LMO7: variants seen among roughly 807,000 people sequenced by gnomAD.
The protein encoded by LMO7 is LIM domain only protein 7.
LMO7 carries 120 observed loss-of-function variants against 206.5 expected under a neutral mutation model. The observed-to-expected ratio is 0.58, with a 90% CI of 0.50 to 0.68. The LOEUF is 0.68. Among genes scored for constraint, LMO7 ranks in the 30% least tolerant of loss-of-function variants. The pLI is 0.00. For synonymous variants in LMO7, 706 were observed against 681.5 expected, an observed-to-expected ratio of 1.04 and a Z score of -0.56; for missense variants, 1,959 against 1,957.9, an observed-to-expected ratio of 1.00 and a Z score of -0.01.
intron 11 of LMO7, among the ~76,000 whole-genome samples, chr13:75,810,434 T>G (rs1229119800): frequency 6.6e-6 from 1 of 152,202 alleles, no homozygotes; most frequent in Non-Finnish European, 1.5e-5. Flanking sequence ...AAGGTGTAAC[T>G]GAGCCACAGG....
intron 20 of LMO7, chr13:75,838,420 T>G (rs1225136189): frequency 3.1e-5 from 15 of 491,350 alleles, no homozygotes; most frequent in Admixed American, 7.8e-5. Context: ...TTTGTATACC[T>G]CTAAACATTT....
At chr13:75,661,284 T>A (rs764880422) in intron 1 of LMO7, among the ~76,000 whole-genome samples, 1 of 152,226 alleles carries the variant, frequency 6.6e-6, no homozygotes, top group Non-Finnish European at 1.5e-5. Flanking sequence ...ATGTATTAAA[T>A]GAAATATTGT....
chr13:75,796,175 G>C (rs2053983857), intron 5 of LMO7, among the ~76,000 whole-genome samples: 1 of 152,126 alleles, frequency 6.6e-6, no homozygotes, highest in African/African-American at 2.4e-5. Flanking sequence ...CATCAATGTA[G>C]ACTCATATGT....
intron 14 of LMO7, among the ~76,000 whole-genome samples, chr13:75,822,199 A>C (rs1306284282): frequency 2.0e-5 from 3 of 152,194 alleles, no homozygotes; most frequent in African/African-American, 2.4e-5. Context: ...AATCTGAATT[A>C]TGTGAAAGGA....
intron 16 of LMO7, among the ~76,000 whole-genome samples, chr13:75,833,722 T>A (rs145281279): frequency 2.0e-5 from 3 of 151,618 alleles, no homozygotes; most frequent in African/African-American, 7.3e-5. Flanking sequence ...TATTTTTTAG[T>A]TTTTTTTACA....
chr13:75,625,040 G>A (rs79193996), intron 2 of LMO7, among the ~76,000 whole-genome samples: 2 of 152,310 alleles, frequency 1.3e-5, no homozygotes, highest in East Asian at 3.9e-4. Context: ...CCAGTAGGAA[G>A]TAATCATGGC....
intron 1 of LMO7, among the ~76,000 whole-genome samples, chr13:75,672,170 G>T (rs867690860): frequency 6.6e-6 from 1 of 151,664 alleles, no homozygotes. Context: ...GTGTCCCTTG[G>T]TTTTGTTACT....
At chr13:75,809,092 G>A (rs375052585) in intron 10 of LMO7, 62 bp from the exon 11 acceptor site, 37 of 1,275,616 alleles carry the variant, frequency 2.9e-5, no homozygotes, top group Middle Eastern at 3.7e-4. Flanking sequence ...GACATTGAAC[G>A]TTTAGAAACT....
rs980821342 is a variant in LMO7 at position 75,859,347 on chromosome 13, A to G, written c.*1404A>G. ...CAAAGCATAAAGAATATAATTCTGA[A>G]TCCCAAATTCCAAAGACAAGAACTC... is the stretch of plus-strand genomic sequence containing the variant. On this transcript the variant is annotated 3_prime_UTR_variant, in exon 31 of 31. Transcript: ENST00000377534. 5 of 152,222 alleles carry G rather than the reference A, an allele frequency of 3.3e-5. No homozygotes were observed. Among genetic ancestry groups the G allele is most frequent in the African/African-American group, 1.2e-4 (5 of 41,456 alleles). The allele number at this position is 152,222 out of a possible 1,614,324, so 9.4% of individuals were successfully genotyped here.
In LMO7 at chr13:75,713,192, A is replaced by G; in HGVS notation, c.80A>G (p.Glu27Gly). 1 of 1,612,676 alleles carries G rather than the reference A, an allele frequency of 6.2e-7. No individual in the cohort carries two copies. The highest frequency in any genetic ancestry group is 8.5e-7 in the Non-Finnish European group (1 of 1,179,036). ...EAQRWVEAVT[E>G]KNFETKDFRA... The stretch of plus-strand genomic sequence containing the variant: ...AAACCTATCTTTCAGGCAGTAACAG[A>G]GAAGAATTTTGAAACAAAAGATTTT... Residue 27 changes from glutamate (E) to glycine (G), a missense_variant, in exon 2 of 31, where the codon GAG (glutamate) becomes GGG (glycine). Glu to Gly is a moderately conservative substitution (Grantham distance 98). Coordinates refer to ENST00000377534, the MANE Select transcript of LMO7 (RefSeq NM_001306080.2).
intron 3 of LMO7, among the ~76,000 whole-genome samples, chr13:75,748,884 C>T (rs561067363): frequency 4.6e-5 from 7 of 150,626 alleles, no homozygotes; most frequent in African/African-American, 1.5e-4. Context: ...GATCTTGGCT[C>T]ATTGCAACCT....
At chr13:75,772,948 T>C (rs1392511028) in intron 4 of LMO7, among the ~76,000 whole-genome samples, 4 of 152,180 alleles carry the variant, frequency 2.6e-5, no homozygotes, top group African/African-American at 9.6e-5. Flanking sequence ...CTTCAGGTCT[T>C]GCCAGTGAGG....
chr13:75,767,835 G>A (rs540397160), intron 4 of LMO7, among the ~76,000 whole-genome samples: 2 of 152,154 alleles, frequency 1.3e-5, no homozygotes, highest in East Asian at 3.9e-4. Context: ...TCAGTTAATA[G>A]CTGAATGACC....
chr13:75,662,134 C>A (rs1242549556), intron 1 of LMO7, among the ~76,000 whole-genome samples: 1 of 152,058 alleles, frequency 6.6e-6, no homozygotes, highest in Admixed American at 6.5e-5. Context: ...AATAGAGCTT[C>A]TAATTTTGTT....
intron 4 of LMO7, among the ~76,000 whole-genome samples, chr13:75,766,237 C>CTTTTTT (rs10604656): frequency 5.6e-5 from 7 of 126,080 alleles, no homozygotes; most frequent in Admixed American, 8.0e-5. Flanking sequence ...TTCCCTCAGT[C>CTTTTTT]TTTTTTTTTT....
chr13:75,667,009 A>G (rs2039133796), intron 1 of LMO7, among the ~76,000 whole-genome samples: 1 of 152,194 alleles, frequency 6.6e-6, no homozygotes, highest in Admixed American at 6.5e-5. Flanking sequence ...GCTTACTCTT[A>G]GGTTTTTGAT....
chr13:75,762,681 T>C (rs1007426167), intron 4 of LMO7, among the ~76,000 whole-genome samples: 10 of 152,296 alleles, frequency 6.6e-5, no homozygotes, highest in Non-Finnish European at 1.2e-4. Flanking sequence ...CACGTAGTTA[T>C]AGCTGTAGTG....
intron 1 of LMO7, among the ~76,000 whole-genome samples, chr13:75,678,634 G>A (rs2040226220): frequency 6.6e-6 from 1 of 152,168 alleles, no homozygotes; most frequent in South Asian, 2.1e-4. Context: ...CACCTCTTCG[G>A]TGAGACCAGC....
At chr13:75,717,913 C>A (rs959920744) in intron 2 of LMO7, among the ~76,000 whole-genome samples, 3 of 152,208 alleles carry the variant, frequency 2.0e-5, no homozygotes, top group African/African-American at 7.2e-5. Context: ...ACACTATTAA[C>A]CCTGATCTGT....
Sources: gnomAD v4.1 joint callset for allele counts (sites outside exome capture counted in the v4.1 genomes callset) on GRCh38, gnomAD v4.1.1 for gene constraint, MANE v1.5 for transcripts, NCBI Gene and HGNC (gene_info 2026-07-23, HGNC 2026-07-21) for gene names.